ASB18: variants seen among roughly 807,000 people sequenced by gnomAD.
ASB18 encodes the protein ankyrin repeat and SOCS box containing 18.
A neutral mutation model predicts 33.4 loss-of-function variants in ASB18; 33 were observed. The observed-to-expected ratio is 0.99, with a 90% CI of 0.75 to 1.32. The LOEUF (loss-of-function observed/expected upper bound fraction) is 1.32. ASB18 is among the 40% of genes most tolerant of loss of function. The pLI, the probability that ASB18 is intolerant of heterozygous loss-of-function variation, is 0.00. For synonymous variants in ASB18, 295 were observed against 307.6 expected, an observed-to-expected ratio of 0.96 and a Z score of 0.43; for missense variants, 694 against 655.5, an observed-to-expected ratio of 1.06 and a Z score of -0.64.
In ASB18 at chr2:236,257,444, C is replaced by T. The variant is rs189023637; in HGVS notation, c.205+6697G>A. ...TGTTTTTATTCTCCAGCCTAGCACCCCACTTACTTGCCCATGATTTTTTGG... is the reference window on the plus strand; with the variant it reads ...TGTTTTTATTCTCCAGCCTAGCACCTCACTTACTTGCCCATGATTTTTTGG... On this transcript the variant is annotated intron_variant, in intron 1 of 5. Transcript: ENST00000409749. The surrounding 1 kb of genome is among the most constrained non-coding windows in gnomAD (Gnocchi z 5.5). 3.3e-5 allele frequency among the ~76,000 whole-genome samples: 5 copies of T among 152,288 alleles called. No individual in the cohort carries two copies. Among genetic ancestry groups the T allele is most frequent in the Non-Finnish European group, 1.5e-5 (1 of 68,030 alleles).
rs913949581 is a variant in ASB18 at position 236,211,614 on chromosome 2, G to A, written c.1101+2748C>T. ...CTACGCTCGGCTCGCCATGGCGCCC[G>A]TGTGGTGCCTGCCCAGCATCTTTGT... On this transcript the variant is annotated intron_variant, in intron 4 of 5. Transcript: ENST00000409749. The surrounding 1 kb of genome is among the most constrained non-coding windows in gnomAD (Gnocchi z 5.0). Among the ~76,000 whole-genome samples the A allele has an allele frequency of 4.6e-5, 7 of 152,224 alleles. No homozygotes were observed. The highest frequency in any genetic ancestry group is 2.1e-4 in the South Asian group (1 of 4,832).
rs182836055 is a variant in ASB18, at chr2:236,255,750, C to G, written c.205+8391G>C. Among the ~76,000 whole-genome samples, 24 of 152,298 alleles carry G rather than the reference C, an allele frequency of 1.6e-4. No individual in the cohort carries two copies. The highest frequency in any genetic ancestry group is 5.5e-4 in the African/African-American group (23 of 41,552). ...AACACCTGTGCCTAGAATGTGTAGCCTCAAACAATATCGTCCCAATCTCTT... is the reference window on the plus strand; with the variant it reads ...AACACCTGTGCCTAGAATGTGTAGCGTCAAACAATATCGTCCCAATCTCTT... On this transcript the variant is annotated intron_variant, in intron 1 of 5. Transcript: ENST00000409749. This position sits in a 1 kb window ranked among gnomAD's most constrained non-coding sequence, Gnocchi z 4.4.
rs2060608668 is a variant in ASB18, at chr2:236,238,853, G to A, written c.329-897C>T. The stretch of plus-strand genomic sequence containing the variant: ...GAAGAATCGATACTGTGGCTGTAAT[G>A]AGCCGCAGAGGAGACCCTTTTCACA... On this transcript the variant is annotated intron_variant, in intron 2 of 5. Coordinates refer to ENST00000409749, the MANE Select transcript of ASB18 (RefSeq NM_212556.4). This position sits in a 1 kb window ranked among gnomAD's most constrained non-coding sequence, Gnocchi z 5.2. 1.3e-5 allele frequency among the ~76,000 whole-genome samples: 2 copies of A among 152,186 alleles called. No individual in the cohort carries two copies. The highest frequency in any genetic ancestry group is 4.1e-4 in the South Asian group (2 of 4,828).
Position 236,221,874 on chromosome 2 carries a change from C to T in ASB18, c.597-7008G>A, listed in dbSNP as rs2060514438. 6.6e-6 allele frequency among the ~76,000 whole-genome samples: 1 copy of T among 152,146 alleles called. No individual in the cohort carries two copies. The highest frequency in any genetic ancestry group is 2.4e-5 in the African/African-American group (1 of 41,424). ...TTGAATTACTGTTACTGCTGCTTTT[C>T]CTCCTCAGAGATGACACGGAGGCAG... On this transcript the variant is annotated intron_variant, in intron 3 of 5. Coordinates refer to ENST00000409749, the MANE Select transcript of ASB18 (RefSeq NM_212556.4). The surrounding 1 kb of genome is among the most constrained non-coding windows in gnomAD (Gnocchi z 5.6).
rs937388163 is a variant in ASB18 at position 236,238,294 on chromosome 2, A to G, written c.329-338T>C. Among the ~76,000 whole-genome samples, 5 of 152,174 alleles carry G rather than the reference A, an allele frequency of 3.3e-5. No individual in the cohort carries two copies. The highest frequency in any genetic ancestry group is 9.7e-5 in the African/African-American group (4 of 41,446). ...GGGGTCAGTTAAAAGCTGTCCAAGCAGGGTGCACGGTAGGCGAATTTAAGT... is the reference window on the plus strand; with the variant it reads ...GGGGTCAGTTAAAAGCTGTCCAAGCGGGGTGCACGGTAGGCGAATTTAAGT... On this transcript the variant is annotated intron_variant, in intron 2 of 5. Transcript: ENST00000409749. The surrounding 1 kb of genome is among the most constrained non-coding windows in gnomAD (Gnocchi z 5.2).
rs779743226 is a variant in ASB18, at chr2:236,264,337, G to A, written c.9C>T (p.Asn3=). 1.2e-6 allele frequency: 2 copies of A among 1,613,702 alleles called. No homozygotes were observed. Among genetic ancestry groups the A allele is most frequent in the East Asian group, 4.5e-5 (2 of 44,850 alleles). Residue 3 remains asparagine, a synonymous_variant, in exon 1 of 6, where the codon AAC becomes AAT. Transcript: ENST00000409749. The surrounding 1 kb of genome is among the most constrained non-coding windows in gnomAD (Gnocchi z 5.1). MS[N]SDYLPDYPLN... is the part of the protein sequence containing the mutation. ...GTGGGTAGTCGGGAAGGTAATCCGA[G>A]TTGGACATTGTTACGTCGTTTCTGC...
In ASB18 at chr2:236,264,043, T is replaced by C. The variant is rs2106289331; in HGVS notation, c.205+98A>G. Reference sequence around the variant, plus strand: ...AGATATCCGAGTACATATCATTTACTTTTTCCAAACATTTGCCCCTCTACC... The same window carrying C: ...AGATATCCGAGTACATATCATTTACCTTTTCCAAACATTTGCCCCTCTACC... On this transcript the variant is annotated intron_variant, in intron 1 of 5. Transcript: ENST00000409749. This position sits in a 1 kb window ranked among gnomAD's most constrained non-coding sequence, Gnocchi z 5.1. The C allele has an allele frequency of 9.8e-7, 1 of 1,017,210 alleles. No individual in the cohort carries two copies. Among genetic ancestry groups the C allele is most frequent in the African/African-American group, 1.6e-5 (1 of 63,060 alleles). 63.0% of individuals were successfully genotyped at this position (1,017,210 alleles called of 1,614,324 possible).
rs138330839 is a variant in ASB18, at chr2:236,234,831, T to C, written c.596+2858A>G. Reference sequence around the variant, plus strand: ...GACTTAAATGTAAAATGTAAAGTTATGAAATTTCTAGAAGAAAATATAAGA... The same window carrying C: ...GACTTAAATGTAAAATGTAAAGTTACGAAATTTCTAGAAGAAAATATAAGA... On this transcript the variant is annotated intron_variant, in intron 3 of 5. Coordinates refer to ENST00000409749, the MANE Select transcript of ASB18 (RefSeq NM_212556.4). The surrounding 1 kb of genome is among the most constrained non-coding windows in gnomAD (Gnocchi z 4.1). Among the ~76,000 whole-genome samples the C allele has an allele frequency of 1.5e-3, 235 of 152,314 alleles. No homozygotes were observed. The highest frequency in any genetic ancestry group is 5.1e-3 in the Admixed American group (78 of 15,300).
At chr2:236,224,788 T>C (rs1449345875) in intron 3 of ASB18, among the ~76,000 whole-genome samples, 1 of 152,194 alleles carries the variant, frequency 6.6e-6, no homozygotes, top group Non-Finnish European at 1.5e-5. Flanking sequence ...TCTGCAAATA[T>C]TAAATCATCT....
In ASB18 at chr2:236,241,246, A is replaced by G; in HGVS notation, c.328+34T>C. 1.2e-6 allele frequency: 2 copies of G among 1,611,148 alleles called. No individual in the cohort carries two copies. Among genetic ancestry groups the G allele is most frequent in the Non-Finnish European group, 1.7e-6 (2 of 1,177,798 alleles). On this transcript the variant is annotated intron_variant, in intron 2 of 5. Coordinates refer to ENST00000409749, the MANE Select transcript of ASB18 (RefSeq NM_212556.4). The surrounding 1 kb of genome is among the most constrained non-coding windows in gnomAD (Gnocchi z 4.2). ...CCAGAGAGTATTAGTAGCCCCTTAA[A>G]AATAAATGACTGAGCTTTAAAGAAC...
At position 236,220,601 on chromosome 2, in the gene ASB18, C is replaced by T. The variant is rs894150325; in HGVS notation, c.597-5735G>A. 1.3e-5 allele frequency among the ~76,000 whole-genome samples: 2 copies of T among 150,162 alleles called. No homozygotes were observed. The highest frequency in any genetic ancestry group is 6.6e-5 in the Admixed American group (1 of 15,080). On this transcript the variant is annotated intron_variant, in intron 3 of 5. Coordinates refer to ENST00000409749, the MANE Select transcript of ASB18 (RefSeq NM_212556.4). This position sits in a 1 kb window ranked among gnomAD's most constrained non-coding sequence, Gnocchi z 5.1. ...TATTTATCTTTAGTCCCTGAAACAA[C>T]TTTGCATTGTAGGTGGAATTTACAG...
Position 236,237,620 on chromosome 2 carries a change from T to C in ASB18, c.596+69A>G. ...GGAGGCGGAGGCGGGGTCGGCGGTC[T>C]CGTGGGGGGAGGCGGGCGTCTGGTC... On this transcript the variant is annotated intron_variant, in intron 3 of 5. Transcript: ENST00000409749. This position sits in a 1 kb window ranked among gnomAD's most constrained non-coding sequence, Gnocchi z 6.2. The C allele has an allele frequency of 8.2e-7, 1 of 1,218,432 alleles. No homozygotes were observed. Among genetic ancestry groups the C allele is most frequent in the Non-Finnish European group, 1.0e-6 (1 of 969,092 alleles). The allele number at this position is 1,218,432 out of a possible 1,614,324, so 75.5% of individuals were successfully genotyped here.
rs1273578946 is a variant in ASB18 at position 236,252,514 on chromosome 2, T to TAGGACACGGAAGGTGC, written c.206-11128_206-11113dup. Among the ~76,000 whole-genome samples the TAGGACACGGAAGGTGC allele has an allele frequency of 6.6e-6, 1 of 152,066 alleles. No individual in the cohort carries two copies. On this transcript the variant is annotated intron_variant, in intron 1 of 5. Coordinates refer to ENST00000409749, the MANE Select transcript of ASB18 (RefSeq NM_212556.4). This position sits in a 1 kb window ranked among gnomAD's most constrained non-coding sequence, Gnocchi z 7.9. ...ATCTGAGCAAAGTGACAGGGAGGTG[T>TAGGACACGGAAGGTGC]AGGACACGGAAGGTGCATTTCCTCC...
chr2:236,198,365 T>C (rs2060384009), intron 4 of ASB18, among the ~76,000 whole-genome samples: 1 of 152,126 alleles, frequency 6.6e-6, no homozygotes, highest in Admixed American at 6.5e-5. Context: ...TTACAAGCAA[T>C]TATCCTTTTT....
At position 236,226,634 on chromosome 2, in the gene ASB18, G is replaced by C. The variant is rs2060541196; in HGVS notation, c.596+11055C>G. 6.6e-6 allele frequency among the ~76,000 whole-genome samples: 1 copy of C among 152,182 alleles called. No individual in the cohort carries two copies. The highest frequency in any genetic ancestry group is 1.5e-5 in the Non-Finnish European group (1 of 68,042). Reference sequence around the variant, plus strand: ...CTCTGGTGGTCTGCATATGGCCTCAGCTCCTTATGGTGTCCAAATGTAAGC... The same window carrying C: ...CTCTGGTGGTCTGCATATGGCCTCACCTCCTTATGGTGTCCAAATGTAAGC... On this transcript the variant is annotated intron_variant, in intron 3 of 5. Coordinates refer to ENST00000409749, the MANE Select transcript of ASB18 (RefSeq NM_212556.4). This position sits in a 1 kb window ranked among gnomAD's most constrained non-coding sequence, Gnocchi z 4.8.
intron 4 of ASB18, among the ~76,000 whole-genome samples, chr2:236,212,263 C>A (rs2060462179): frequency 6.6e-6 from 1 of 152,096 alleles, no homozygotes; most frequent in Non-Finnish European, 1.5e-5. Flanking sequence ...ACTGGGGATC[C>A]CATCCCAGAA....
Position 236,208,556 on chromosome 2 carries a change from C to T in ASB18, c.1101+5806G>A, listed in dbSNP as rs960089613. On this transcript the variant is annotated intron_variant, in intron 4 of 5. Coordinates refer to ENST00000409749, the MANE Select transcript of ASB18 (RefSeq NM_212556.4). This position sits in a 1 kb window ranked among gnomAD's most constrained non-coding sequence, Gnocchi z 7.7. ...TGGCTCCCAGGGACTGCAGGTAACC[C>T]GGACATGCCCCACCCTGGGAAGAGG... Among the ~76,000 whole-genome samples the T allele has an allele frequency of 3.3e-5, 5 of 152,284 alleles. No homozygotes were observed. The highest frequency in any genetic ancestry group is 3.9e-4 in the East Asian group (2 of 5,172).
chr2:236,196,184 C>T lies in ASB18; in HGVS notation c.1215+88G>A, dbSNP rs1253251927. On this transcript the variant is annotated intron_variant, in intron 5 of 5. Coordinates refer to ENST00000409749, the MANE Select transcript of ASB18 (RefSeq NM_212556.4). This position sits in a 1 kb window ranked among gnomAD's most constrained non-coding sequence, Gnocchi z 5.6. ...CTTTTTCAGATGTATAATACTTAGCCGAATATCAGTGCAAAACTCCCCATG... is the reference window on the plus strand; with the variant it reads ...CTTTTTCAGATGTATAATACTTAGCTGAATATCAGTGCAAAACTCCCCATG... 2.2e-5 allele frequency: 16 copies of T among 741,802 alleles called. No individual in the cohort carries two copies. Among genetic ancestry groups the T allele is most frequent in the Middle Eastern group, 2.3e-4 (1 of 4,442 alleles). 46.0% of individuals were successfully genotyped at this position (741,802 alleles called of 1,614,324 possible).
rs554099328 is a variant in ASB18, at chr2:236,194,834, C to A, written c.*38G>T. The A allele has an allele frequency of 4.5e-6, 7 of 1,560,322 alleles. No homozygotes were observed. In the Admixed American group the frequency reaches 1.1e-4, roughly 24 times the overall value. The stretch of plus-strand genomic sequence containing the variant: ...ACACACGGCCTCCATGGAAGGTCAG[C>A]GAGGAGAACAACAGTATTGGTTGCA... On this transcript the variant is annotated 3_prime_UTR_variant, in exon 6 of 6. Coordinates refer to ENST00000409749, the MANE Select transcript of ASB18 (RefSeq NM_212556.4). This position sits in a 1 kb window ranked among gnomAD's most constrained non-coding sequence, Gnocchi z 4.5.
Sources: allele counts gnomAD v4.1 joint callset (sites outside exome capture counted in the v4.1 genomes callset), GRCh38; gene constraint gnomAD v4.1.1; non-coding constraint Gnocchi (gnomAD v3.1); transcripts MANE v1.5; gene names NCBI Gene and HGNC (gene_info 2026-07-23, HGNC 2026-07-21).